GRAMD1B: variants seen among roughly 807,000 people sequenced by gnomAD.
The protein encoded by GRAMD1B is protein Aster-B.
GRAMD1B carries 37 observed loss-of-function variants against 99.7 expected under a neutral mutation model. The observed-to-expected ratio is 0.37, with a 90% CI of 0.29 to 0.49. The LOEUF is 0.49. Ranked by LOEUF, GRAMD1B falls within the 20% of genes least tolerant of loss-of-function variation. The probability of loss-of-function intolerance (pLI) is 0.98; values close to 1 mark genes in which losing one functional copy is unlikely to be tolerated. For synonymous variants in GRAMD1B, 427 were observed against 387.6 expected (o/e 1.10, Z -1.19); for missense variants, 888 against 1,009.2 (o/e 0.88, Z 1.63).
chr11:123,491,779 G>C (rs756405411), intron 2 of GRAMD1B: 1 of 398,346 alleles, frequency 2.5e-6, no homozygotes, highest in Admixed American at 4.4e-5. Flanking sequence ...GCAAGTCCAC[G>C]CAGCTCCAGA....
intron 3 of GRAMD1B, among the ~76,000 whole-genome samples, chr11:123,582,022 C>T (rs1353178018): frequency 1.3e-5 from 2 of 152,234 alleles, no homozygotes; most frequent in Non-Finnish European, 1.5e-5. Context: ...GGCATTGAGA[C>T]GAGGAGCTGG....
Position 123,497,379 on chromosome 11 carries a change from A to G in GRAMD1B, c.452+16486A>G, listed in dbSNP as rs140869747. ...ACTGGTTCAGACCTGAGGCCAGCAC[A>G]CTATTGAGTCTCACTCAAAGCCTGC... On this transcript the variant is annotated intron_variant, in intron 2 of 19. Transcript: ENST00000635736. Among the ~76,000 whole-genome samples, 18 of 152,302 alleles carry G rather than the reference A, an allele frequency of 1.2e-4. No individual in the cohort carries two copies. The East Asian group carries it at 2.9e-3, about 24-fold the overall frequency.
Position 123,580,360 on chromosome 11 carries a change from T to C in GRAMD1B, c.663+2783T>C, listed in dbSNP as rs78485360. Among the ~76,000 whole-genome samples the C allele has an allele frequency of 2.5e-3, 385 of 152,188 alleles. 1 individual carries two copies. The highest frequency in any genetic ancestry group is 9.0e-3 in the African/African-American group (373 of 41,518). The stretch of plus-strand genomic sequence containing the variant: ...CCTCCCCGTGGAACATCTTCTGGGG[T>C]TAATCACATGTCTTCCCAGCAAGCC... On this transcript the variant is annotated intron_variant, in intron 3 of 19. Transcript: ENST00000635736.
chr11:123,593,714 T>C (rs976350497), intron 4 of GRAMD1B, among the ~76,000 whole-genome samples: 6 of 152,138 alleles, frequency 3.9e-5, no homozygotes, highest in Non-Finnish European at 4.4e-5. Context: ...GGTCCCTGCT[T>C]CACTGTCAAG....
At position 123,432,841 on chromosome 11, in the gene GRAMD1B, AT is replaced by A. The variant is rs549893225; in HGVS notation, c.374+1676del. 5.8e-4 allele frequency among the ~76,000 whole-genome samples: 89 copies of A among 152,292 alleles called. No homozygotes were observed. In the East Asian group the frequency reaches 0.017, roughly 28 times the overall value. ...TGGGGACTGAGGAGTAGGATCCGTT[AT>A]GCAGAAGATGGGCATTTTGGGCCTT... is the stretch of plus-strand genomic sequence containing the variant. On this transcript the variant is annotated intron_variant, in intron 1 of 19. Transcript: ENST00000635736.
chr11:123,548,317 T>TACACACACAC lies in GRAMD1B; in HGVS notation c.453-29049_453-29048insCACACACACA, dbSNP rs1298307128. ...ATATATATATATATATATATATATA[T>TACACACACAC]ATATATATACACACACACACACACA... is the stretch of plus-strand genomic sequence containing the variant. On this transcript the variant is annotated intron_variant, in intron 2 of 19. Coordinates refer to ENST00000635736, the MANE Select transcript of GRAMD1B (RefSeq NM_001387025.1). Among the ~76,000 whole-genome samples, 307 of 96,468 alleles carry TACACACACAC rather than the reference T, an allele frequency of 3.2e-3. 1 individual carries two copies. Among genetic ancestry groups the TACACACACAC allele is most frequent in the East Asian group, 0.012 (39 of 3,304 alleles). 63.3% of individuals were successfully genotyped at this position (96,468 alleles called of 152,430 possible). A position where few individuals can be genotyped will look rare whatever the true frequency, so the allele number is the denominator to read the frequency against.
At chr11:123,394,531 C>T (rs914611788) in intron 1 of GRAMD1B, among the ~76,000 whole-genome samples, 1 of 151,690 alleles carries the variant, frequency 6.6e-6, no homozygotes, top group African/African-American at 2.4e-5. Context: ...CCTTTTCTGT[C>T]CTTCCCTTCT....
rs752778369 is a variant in GRAMD1B at position 123,609,931 on chromosome 11, T to G, written c.1776+18T>G. The G allele has an allele frequency of 7.4e-7, 1 of 1,343,748 alleles. No homozygotes were observed. Among genetic ancestry groups the G allele is most frequent in the Admixed American group, 1.9e-5 (1 of 52,630 alleles). The allele number at this position is 1,343,748 out of a possible 1,614,324, so 83.2% of individuals were successfully genotyped here. ...AGACACAGGTGAGCAGAGCCGCGGA[T>G]GCACAGAAGAGCGAGCTGGAAAATC... On this transcript the variant is annotated intron_variant, in intron 13 of 19. Transcript: ENST00000635736.
intron 1 of GRAMD1B, among the ~76,000 whole-genome samples, chr11:123,468,271 G>A (rs1950804917): frequency 6.6e-6 from 1 of 150,732 alleles, no homozygotes. Flanking sequence ...AGACCAGTGA[G>A]TACTCAGTGG....
rs780298876 is a variant in GRAMD1B, at chr11:123,600,556, C to T, written c.1050+8C>T. 1.5e-5 allele frequency: 24 copies of T among 1,596,110 alleles called. No homozygotes were observed. The highest frequency in any genetic ancestry group is 1.3e-4 in the African/African-American group (10 of 74,530). On this transcript the variant is annotated splice_region_variant and intron_variant, in intron 8 of 19. Transcript: ENST00000635736. Reference sequence around the variant, plus strand: ...AATGCTCTCCTTGAAAAGGTAAGTACGGCCGAGTTTGCTTTTACTGTGGGA... The same window carrying T: ...AATGCTCTCCTTGAAAAGGTAAGTATGGCCGAGTTTGCTTTTACTGTGGGA...
intron 2 of GRAMD1B, among the ~76,000 whole-genome samples, chr11:123,519,541 C>T (rs1199331306): frequency 6.6e-6 from 1 of 152,230 alleles, no homozygotes; most frequent in African/African-American, 2.4e-5. Context: ...CTCTCAACGC[C>T]TGATGACTCC....
chr11:123,466,430 G>T (rs1006244421), intron 1 of GRAMD1B, among the ~76,000 whole-genome samples: 9 of 149,058 alleles, frequency 6.0e-5, no homozygotes, highest in Non-Finnish European at 1.5e-5. Context: ...GAAAAAGAAA[G>T]AAAGGAAGAA....
At chr11:123,506,867 C>T (rs1940488237) in intron 2 of GRAMD1B, among the ~76,000 whole-genome samples, 1 of 152,162 alleles carries the variant, frequency 6.6e-6, no homozygotes, top group Non-Finnish European at 1.5e-5. Flanking sequence ...TCCCTGCCTC[C>T]TGCCCAGCCC....
Position 123,600,465 on chromosome 11 carries a change from T to C in GRAMD1B, c.970-3T>C, listed in dbSNP as rs977198973. 3.8e-6 allele frequency: 6 copies of C among 1,586,336 alleles called. No individual in the cohort carries two copies. Among genetic ancestry groups the C allele is most frequent in the Non-Finnish European group, 5.2e-6 (6 of 1,155,654 alleles). On this transcript the variant is annotated splice_region_variant and splice_polypyrimidine_tract_variant and intron_variant, in intron 7 of 19. Coordinates refer to ENST00000635736, the MANE Select transcript of GRAMD1B (RefSeq NM_001387025.1). Reference sequence around the variant, plus strand: ...TTTATTGTTATTTTCTTTTCCAATCTAGCACTTCTTCACTTCGTTTGGGGC... The same window carrying C: ...TTTATTGTTATTTTCTTTTCCAATCCAGCACTTCTTCACTTCGTTTGGGGC...
intron 1 of GRAMD1B, among the ~76,000 whole-genome samples, chr11:123,366,105 G>C (rs1946311220): frequency 6.6e-6 from 1 of 152,194 alleles, no homozygotes; most frequent in Non-Finnish European, 1.5e-5. Flanking sequence ...TTTGAACTCA[G>C]TTGGCAGCAA....
At chr11:123,444,399 G>A (rs1260418584) in intron 1 of GRAMD1B, among the ~76,000 whole-genome samples, 1 of 152,060 alleles carries the variant, frequency 6.6e-6, no homozygotes, top group Non-Finnish European at 1.5e-5. Flanking sequence ...GGCTGAGGTG[G>A]GAGGATCACT....
At chr11:123,501,233 C>T (rs556359095) in intron 2 of GRAMD1B, among the ~76,000 whole-genome samples, 2 of 152,116 alleles carry the variant, frequency 1.3e-5, no homozygotes, top group African/African-American at 2.4e-5. Context: ...TACAGTGGCA[C>T]GATCTCGGCT....
intron 19 of GRAMD1B, among the ~76,000 whole-genome samples, chr11:123,620,867 A>G (rs1210771173): frequency 6.6e-6 from 1 of 152,226 alleles, no homozygotes; most frequent in Non-Finnish European, 1.5e-5. Context: ...ACTGTAGGGA[A>G]CTGAGATTCC....
chr11:123,613,773 A>C, intron 16 of GRAMD1B, 115 bp downstream of exon 16: 1 of 709,418 alleles, frequency 1.4e-6, no homozygotes, highest in Non-Finnish European at 2.4e-6. Context: ...ATTTGTATAT[A>C]ATTTGAACGT....
Sources: gnomAD v4.1 joint callset for allele counts (sites outside exome capture counted in the v4.1 genomes callset) on GRCh38, gnomAD v4.1.1 for gene constraint, MANE v1.5 for transcripts, NCBI Gene and HGNC (gene_info 2026-07-23, HGNC 2026-07-21) for gene names.